The following CPQ variants were observed in gnomAD, a reference collection of about 807,000 sequenced individuals.
The protein encoded by CPQ is carboxypeptidase Q.
In CPQ, 37 loss-of-function variants were observed where a neutral mutation model predicts 45.7. The ratio of observed to expected loss-of-function variants is 0.81; its 90% CI spans 0.62 to 1.07. The LOEUF (loss-of-function observed/expected upper bound fraction) is 1.07, where lower values mean the gene tolerates loss of function less well. CPQ is among the 50% of genes least tolerant of loss of function. The pLI, the probability that CPQ is intolerant of heterozygous loss-of-function variation, is 0.00. For synonymous variants in CPQ, 186 were observed against 205.8 expected (o/e 0.90, Z 0.82); for missense variants, 537 against 572.9 (o/e 0.94, Z 0.64).
chr8:96,710,321 A>G (rs1188169266), intron 1 of CPQ, among the ~76,000 whole-genome samples: 1 of 151,638 alleles, frequency 6.6e-6, no homozygotes, highest in African/African-American at 2.4e-5. Context: ...TTTTTGGTTT[A>G]TTGGTTTTTT....
At chr8:96,789,490 A>G (rs979458548) in intron 2 of CPQ, among the ~76,000 whole-genome samples, 13 of 152,166 alleles carry the variant, frequency 8.5e-5, no homozygotes, top group African/African-American at 3.1e-4. Flanking sequence ...TGCATAAGCC[A>G]CTTATTGGTC....
intron 4 of CPQ, among the ~76,000 whole-genome samples, chr8:96,924,537 T>G (rs190311529): frequency 1.3e-5 from 2 of 152,350 alleles, no homozygotes. Context: ...TTGATTTTTT[T>G]TTACCAAGAA....
chr8:97,016,089 T>A (rs1339953765), intron 5 of CPQ, among the ~76,000 whole-genome samples: 1 of 152,086 alleles, frequency 6.6e-6, no homozygotes, highest in Non-Finnish European at 1.5e-5. Context: ...AAAATAATTT[T>A]AAAAATAAAA....
At chr8:97,053,198 G>T (rs1810391250) in intron 6 of CPQ, among the ~76,000 whole-genome samples, 2 of 152,124 alleles carry the variant, frequency 1.3e-5, no homozygotes, top group Admixed American at 1.3e-4. Flanking sequence ...CATTCAGTCA[G>T]CACATGTTTA....
chr8:96,753,274 C>T (rs1276157739), intron 1 of CPQ, among the ~76,000 whole-genome samples: 3 of 152,060 alleles, frequency 2.0e-5, no homozygotes, highest in Non-Finnish European at 4.4e-5. Flanking sequence ...TCTGTTGATT[C>T]TTATACCACC....
chr8:96,682,921 A>G (rs1313265535), intron 1 of CPQ, among the ~76,000 whole-genome samples: 1 of 152,168 alleles, frequency 6.6e-6, no homozygotes, highest in Non-Finnish European at 1.5e-5. Context: ...TTAAGTGAAG[A>G]CTTTAATCTG....
At chr8:97,035,880 T>C (rs577836622) in intron 6 of CPQ, among the ~76,000 whole-genome samples, 1 of 152,196 alleles carries the variant, frequency 6.6e-6, no homozygotes, top group African/African-American at 2.4e-5. Context: ...GCTAATTTTT[T>C]GTATTTTTAG....
intron 1 of CPQ, chr8:96,659,177 C>T (rs139752040): frequency 2.6e-5 from 4 of 151,872 alleles, no homozygotes; most frequent in Non-Finnish European, 5.9e-5. Flanking sequence ...TTGTAATTAC[C>T]CAAATTTGTG....
chr8:97,014,900 C>T lies in CPQ; in HGVS notation c.962-14503C>T, dbSNP rs576086482. Among the ~76,000 whole-genome samples the T allele has an allele frequency of 5.3e-5, 8 of 152,072 alleles. No homozygotes were observed. In the East Asian group the frequency reaches 1.5e-3, roughly 29 times the overall value. On this transcript the variant is annotated intron_variant, in intron 5 of 7. Transcript: ENST00000220763. The stretch of plus-strand genomic sequence containing the variant: ...AGAAGTAGCTTAATAATGGTTCCTG[C>T]ATTATATTAAAAAAAACTTATGCTT...
intron 4 of CPQ, 90 bp from the exon 5 acceptor site, chr8:96,965,845 C>A: frequency 1.3e-6 from 1 of 751,642 alleles, no homozygotes; most frequent in Admixed American, 3.5e-5. Context: ...ATAAAAGTTT[C>A]ATTTTTATAT....
At chr8:96,716,924 C>T (rs1809681815) in intron 1 of CPQ, among the ~76,000 whole-genome samples, 1 of 149,692 alleles carries the variant, frequency 6.7e-6, no homozygotes, top group Non-Finnish European at 1.5e-5. Flanking sequence ...CACACATACA[C>T]ACACACACAC....
At chr8:96,794,991 C>T (rs796240267) in intron 2 of CPQ, among the ~76,000 whole-genome samples, 20 of 152,244 alleles carry the variant, frequency 1.3e-4, no homozygotes, top group African/African-American at 3.9e-4. Context: ...CACACTTTCC[C>T]ACATTTTCCT....
At chr8:97,008,576 G>A (rs1253985136) in intron 5 of CPQ, among the ~76,000 whole-genome samples, 1 of 152,142 alleles carries the variant, frequency 6.6e-6, no homozygotes, top group Non-Finnish European at 1.5e-5. Context: ...GTCATCCCCA[G>A]TCTACTGGGC....
chr8:96,913,095 A>G (rs1238334462), intron 4 of CPQ, among the ~76,000 whole-genome samples: 1 of 152,134 alleles, frequency 6.6e-6, no homozygotes, highest in African/African-American at 2.4e-5. Flanking sequence ...GGCTTCAAAT[A>G]ATATTCTAGG....
chr8:96,878,286 T>C (rs1001169210), intron 3 of CPQ, among the ~76,000 whole-genome samples: 1 of 152,156 alleles, frequency 6.6e-6, no homozygotes, highest in Non-Finnish European at 1.5e-5. Flanking sequence ...TTTTTAGAAA[T>C]GTTCATAGAG....
chr8:96,966,028 T>C lies in CPQ; in HGVS notation c.943T>C (p.Ser315Pro), dbSNP rs372544728. ...GGAFISWEALSLIKDLGLRPK... is the reference protein window; with the variant it reads ...GGAFISWEALPLIKDLGLRPK... ...AGCCTTTATATCATGGGAAGCACTC[T>C]CACTTATTAAAGATCTTGGTAAATA... The change falls in exon 5 of 8, where the codon TCA (serine) becomes CCA (proline). Residue 315 changes from serine (S) to proline (P), a missense_variant. Physicochemically the swap from Ser to Pro is moderately conservative, Grantham distance 74 (BLOSUM62 -1). Coordinates refer to ENST00000220763, the MANE Select transcript of CPQ (RefSeq NM_016134.4). 5 of 1,612,064 alleles carry C rather than the reference T, an allele frequency of 3.1e-6. No homozygotes were observed. The African/African-American group carries it at 4.0e-5, about 13-fold the overall frequency.
At chr8:96,821,296 A>G (rs993198179) in intron 2 of CPQ, among the ~76,000 whole-genome samples, 1 of 151,698 alleles carries the variant, frequency 6.6e-6, no homozygotes. Flanking sequence ...AGGTTGATAT[A>G]ATCCCAATTA....
At chr8:97,102,832 TTAAGA>T (rs1811336736) in intron 7 of CPQ, among the ~76,000 whole-genome samples, 1 of 152,150 alleles carries the variant, frequency 6.6e-6, no homozygotes, top group Admixed American at 6.5e-5. Context: ...CACCACAAAG[TTAAGA>T]TGACTTAAAA....
chr8:96,925,542 C>T (rs923267532), intron 4 of CPQ, among the ~76,000 whole-genome samples: 1 of 151,966 alleles, frequency 6.6e-6, no homozygotes, highest in Non-Finnish European at 1.5e-5. Flanking sequence ...GTCACCACAC[C>T]CAGCTAATAT....
Sources: allele counts gnomAD v4.1 joint callset (sites outside exome capture counted in the v4.1 genomes callset), GRCh38; gene constraint gnomAD v4.1.1; transcripts MANE v1.5; gene names NCBI Gene and HGNC (gene_info 2026-07-23, HGNC 2026-07-21).